NCEH1: variants seen among roughly 807,000 people sequenced by gnomAD.
NCEH1 encodes the protein 2-acetyl MAGE hydrolase.
A neutral mutation model predicts 25.4 loss-of-function variants in NCEH1; 9 were observed. The ratio of observed to expected loss-of-function variants is 0.35; its 90% CI spans 0.21 to 0.62. The LOEUF is 0.62. NCEH1 is among the 20% of genes least tolerant of loss of function. The probability of loss-of-function intolerance (pLI) is 0.72; values close to 1 mark genes in which losing one functional copy is unlikely to be tolerated. For missense variants in NCEH1, 412 were observed against 501.1 expected (o/e 0.82, Z 1.70); for synonymous variants, 200 against 199.8 (o/e 1.00, Z -0.01).
chr3:172,677,666 C>A (rs1279130910), intron 1 of NCEH1, among the ~76,000 whole-genome samples: 2 of 152,208 alleles, frequency 1.3e-5, no homozygotes, highest in African/African-American at 4.8e-5. Context: ...GGGCGGCTCA[C>A]GCCTGTAATC....
chr3:172,692,172 G>A (rs373776697), intron 1 of NCEH1, among the ~76,000 whole-genome samples: 8 of 152,126 alleles, frequency 5.3e-5, no homozygotes, highest in South Asian at 2.1e-4. Context: ...AAGAATGACC[G>A]TCTGAAGTAA....
rs533254203 is a variant in NCEH1 at position 172,664,727 on chromosome 3, CCCTTCTTCCA to C, written c.139-16623_139-16614del. The stretch of plus-strand genomic sequence containing the variant: ...TTCATTTGATCTTCAATCACTGACC[CCCTTCTTCCA>C]CTTGATCGAATCGGCTACTGAAGCT... On this transcript the variant is annotated intron_variant, in intron 1 of 4. Coordinates refer to ENST00000475381, the MANE Select transcript of NCEH1 (RefSeq NM_020792.6). 1.6e-3 allele frequency among the ~76,000 whole-genome samples: 243 copies of C among 152,242 alleles called. 1 individual carries two copies. The highest frequency in any genetic ancestry group is 5.6e-3 in the African/African-American group (231 of 41,514).
chr3:172,688,753 G>A (rs1349356112), intron 1 of NCEH1, among the ~76,000 whole-genome samples: 4 of 152,106 alleles, frequency 2.6e-5, no homozygotes, highest in Non-Finnish European at 5.9e-5. Context: ...GTTACGATAG[G>A]TGTCCAGTAC....
rs3205144 is a variant in NCEH1 at position 172,631,426 on chromosome 3, T to C, written c.*2049A>G. ...AAAGACCTTCGATGATGCAGGTGTC[T>C]GTGTATAAGGAACTATGACCTACCA... On this transcript the variant is annotated 3_prime_UTR_variant, in exon 5 of 5. Transcript: ENST00000475381. 0.26 allele frequency: 38,885 copies of C among 152,258 alleles called. 5,035 individuals carry two copies. The highest frequency in any genetic ancestry group is 0.28 in the African/African-American group (11,765 of 41,352). The allele number at this position is 152,258 out of a possible 1,614,324, so 9.4% of individuals were successfully genotyped here.
intron 1 of NCEH1, among the ~76,000 whole-genome samples, chr3:172,666,842 G>A (rs937804343): frequency 1.3e-5 from 2 of 152,200 alleles, no homozygotes; most frequent in Non-Finnish European, 2.9e-5. Flanking sequence ...GCCTAGAGAA[G>A]TAATCCTGTT....
intron 3 of NCEH1, among the ~76,000 whole-genome samples, chr3:172,642,172 TTTTTG>T (rs72150294): frequency 0.015 from 2,311 of 152,038 alleles, 51 homozygotes; most frequent in African/African-American, 0.052. Context: ...TTTTTCTATT[TTTTTG>T]TTTTGTTTTG....
At chr3:172,644,224 G>GACTCTAGGGCTTTGGGGTA (rs1440058655) in intron 3 of NCEH1, among the ~76,000 whole-genome samples, 2 of 151,912 alleles carry the variant, frequency 1.3e-5, no homozygotes, top group African/African-American at 4.8e-5. Context: ...GCTTTTGAGT[G>GACTCTAGGGCTTTGGGGTA]ACTCTAGGGC....
At chr3:172,645,882 C>A (rs1717096858) in intron 2 of NCEH1, among the ~76,000 whole-genome samples, 190 bp from the exon 3 acceptor site, 1 of 152,122 alleles carries the variant, frequency 6.6e-6, no homozygotes. Context: ...TAATAACATG[C>A]AACTACTATA....
chr3:172,644,156 G>A (rs1337999700), intron 3 of NCEH1, among the ~76,000 whole-genome samples: 1 of 151,904 alleles, frequency 6.6e-6, no homozygotes, highest in Non-Finnish European at 1.5e-5. Flanking sequence ...GTGACTCTAG[G>A]GCTTTGGGGT....
At chr3:172,701,639 T>G (rs1408620578) in intron 1 of NCEH1, among the ~76,000 whole-genome samples, 3 of 120,718 alleles carry the variant, frequency 2.5e-5, no homozygotes, top group Non-Finnish European at 5.5e-5. Context: ...TTTTTTTTTG[T>G]ATTTTTAGTA....
At chr3:172,646,990 C>T (rs1717145891) in intron 2 of NCEH1, among the ~76,000 whole-genome samples, 1 of 151,984 alleles carries the variant, frequency 6.6e-6, no homozygotes, top group African/African-American at 2.4e-5. Context: ...TCGGGCAAAC[C>T]TACATACTCA....
chr3:172,685,552 G>A (rs1041554194), intron 1 of NCEH1, among the ~76,000 whole-genome samples: 4 of 152,192 alleles, frequency 2.6e-5, no homozygotes, highest in African/African-American at 7.2e-5. Context: ...TTACAGACAC[G>A]TTCAGACAAG....
At chr3:172,647,747 C>T (rs1717185948) in intron 2 of NCEH1, 139 bp downstream of exon 2, 7 of 1,189,510 alleles carry the variant, frequency 5.9e-6, no homozygotes, top group Non-Finnish European at 8.2e-6. Context: ...TTTGCTGGGA[C>T]AACAGGGGTA....
At chr3:172,669,706 T>C (rs1385047981) in intron 1 of NCEH1, among the ~76,000 whole-genome samples, 1 of 152,148 alleles carries the variant, frequency 6.6e-6, no homozygotes, top group African/African-American at 2.4e-5. Flanking sequence ...CCAACTAATT[T>C]TTGTATTTTT....
At chr3:172,667,904 C>T (rs989861850) in intron 1 of NCEH1, among the ~76,000 whole-genome samples, 27 of 152,170 alleles carry the variant, frequency 1.8e-4, no homozygotes, top group African/African-American at 6.0e-4. Context: ...TGGGCAGTCC[C>T]AGGGAAAACA....
In NCEH1 at chr3:172,710,976, C is replaced by A. The variant is rs945540628; in HGVS notation, c.9G>T (p.Ser3=). 2.5e-6 allele frequency: 4 copies of A among 1,613,998 alleles called. No homozygotes were observed. The African/African-American group carries it at 4.0e-5, about 16-fold the overall frequency. MR[S]SCVLLTALVA... Reference sequence around the variant, plus strand: ...CCAGGGCGGTGAGCAGGACACAGGACGACCTCATCTTGCCCTGGCTCGGCT... The same window carrying A: ...CCAGGGCGGTGAGCAGGACACAGGAAGACCTCATCTTGCCCTGGCTCGGCT... The change falls in exon 1 of 5, where the codon TCG becomes TCT. Residue 3 remains serine (S), a synonymous_variant. Transcript: ENST00000475381.
At chr3:172,647,698 G>A (rs925869684) in intron 2 of NCEH1, among the ~76,000 whole-genome samples, 188 bp downstream of exon 2, 9 of 152,136 alleles carry the variant, frequency 5.9e-5, no homozygotes, top group African/African-American at 1.9e-4. Context: ...ACCCAAACCA[G>A]GACCCTTTTG....
chr3:172,701,632 T>C (rs1472723720), intron 1 of NCEH1, among the ~76,000 whole-genome samples: 1 of 146,764 alleles, frequency 6.8e-6, no homozygotes, highest in East Asian at 2.0e-4. Context: ...TTTTTTTTTT[T>C]TTTTTGTATT....
At chr3:172,648,204 T>C in intron 1 of NCEH1, 90 bp from the exon 2 acceptor site, 2 of 1,449,444 alleles carry the variant, frequency 1.4e-6, no homozygotes, top group South Asian at 1.2e-5. Context: ...TCTGAATTCC[T>C]ACAAGCAGCT....
Sources: allele counts gnomAD v4.1 joint callset (sites outside exome capture counted in the v4.1 genomes callset), GRCh38; gene constraint gnomAD v4.1.1; transcripts MANE v1.5; gene names NCBI Gene and HGNC (gene_info 2026-07-23, HGNC 2026-07-21).